The following ARHGAP8 variants were observed in gnomAD, a reference collection of about 807,000 sequenced individuals.
ARHGAP8 encodes the protein Rho GTPase activating protein 8.
A neutral mutation model predicts 46.1 loss-of-function variants in ARHGAP8; 62 were observed. That is an observed-to-expected ratio of 1.34 (90% confidence interval 1.10 to 1.66). ARHGAP8 has a LOEUF of 1.66. ARHGAP8 is among the 40% of genes most tolerant of loss of function. ARHGAP8 has a pLI of 0.00. For synonymous variants in ARHGAP8, 375 were observed against 243.1 expected, an observed-to-expected ratio of 1.54 and a Z score of -5.05; for missense variants, 923 against 568.4, an observed-to-expected ratio of 1.62 and a Z score of -6.34.
chr22:44,858,964 A>G (rs1251993561), intron 10 of ARHGAP8, among the ~76,000 whole-genome samples: 1 of 151,770 alleles, frequency 6.6e-6, no homozygotes. Flanking sequence ...TGATGAGGCA[A>G]AAGCAGCCAC....
In ARHGAP8 at chr22:44,848,974, C is replaced by A. The variant is rs763116045; in HGVS notation, c.791C>A (p.Pro264His). The change falls in exon 10 of 12, where the codon CCT (proline) becomes CAT (histidine). Residue 264 changes from proline (P) to histidine (H), a missense_variant. Transcript: ENST00000356099. ...NFDDYGDIHI[P>H]AVILKTFLRE... is the part of the protein sequence containing the mutation. ...GACGACTACGGGGACATTCACATCC[C>A]TGCCGTGATCCTGAAGACCTTCCTG... 3 of 1,614,036 alleles carry A rather than the reference C, an allele frequency of 1.9e-6. No homozygotes were observed. In the African/African-American group the frequency reaches 4.0e-5, roughly 22 times the overall value.
chr22:44,835,335 T>C (rs1209692553), intron 7 of ARHGAP8, among the ~76,000 whole-genome samples: 1 of 152,034 alleles, frequency 6.6e-6, no homozygotes, highest in Non-Finnish European at 1.5e-5. Context: ...AGAAGGATTG[T>C]GGAGCCAGGC....
At chr22:44,811,320 C>G (rs570621607) in intron 4 of ARHGAP8, among the ~76,000 whole-genome samples, 1 of 152,360 alleles carries the variant, frequency 6.6e-6, no homozygotes, top group Non-Finnish European at 1.5e-5. Flanking sequence ...GGCACCAGCC[C>G]GGGGAAGGAG....
At chr22:44,772,985 A>T (rs997645102) in intron 1 of ARHGAP8, among the ~76,000 whole-genome samples, 15 of 151,880 alleles carry the variant, frequency 9.9e-5, no homozygotes, top group African/African-American at 3.4e-4. Flanking sequence ...TGCCCAGCTA[A>T]TCTTTATTTT....
At chr22:44,762,879 T>G (rs1162354664) in intron 1 of ARHGAP8, among the ~76,000 whole-genome samples, 33 of 152,136 alleles carry the variant, frequency 2.2e-4, no homozygotes, top group Non-Finnish European at 1.0e-4. Context: ...GAGTTTGTAC[T>G]GTAATGAGGT....
chr22:44,854,024 C>CAAAAAAAAAA lies in ARHGAP8; in HGVS notation c.877+4993_877+5002dup, dbSNP rs71315119. 2.5e-4 allele frequency among the ~76,000 whole-genome samples: 11 copies of CAAAAAAAAAA among 43,304 alleles called. 2 individuals are homozygous for CAAAAAAAAAA. Among genetic ancestry groups the CAAAAAAAAAA allele is most frequent in the Admixed American group, 4.3e-4 (1 of 2,344 alleles). The allele number at this position is 43,304 out of a possible 152,430, so 28.4% of individuals were successfully genotyped here. ...CCTGGGACACAGCGAGACTCTGTCT[C>CAAAAAAAAAA]AAAAAAAAAAAAAAAAAAAAAAAAA... On this transcript the variant is annotated intron_variant, in intron 10 of 11. Coordinates refer to ENST00000356099, the MANE Select transcript of ARHGAP8 (RefSeq NM_181335.3).
At chr22:44,810,940 T>TCC (rs1555913903) in intron 4 of ARHGAP8, among the ~76,000 whole-genome samples, 2 of 151,746 alleles carry the variant, frequency 1.3e-5, no homozygotes, top group African/African-American at 4.8e-5. Context: ...AGGCTCAGGC[T>TCC]CACAGCAGGA....
At chr22:44,772,386 C>T (rs550685016) in intron 1 of ARHGAP8, among the ~76,000 whole-genome samples, 15 of 122,404 alleles carry the variant, frequency 1.2e-4, no homozygotes, top group East Asian at 5.0e-4. Context: ...GACAGGGTTT[C>T]GCTATGTTGA....
At chr22:44,833,869 A>T (rs2147138425) in intron 7 of ARHGAP8, among the ~76,000 whole-genome samples, 1 of 152,192 alleles carries the variant, frequency 6.6e-6, no homozygotes, top group South Asian at 2.1e-4. Context: ...TTTCTTCTTG[A>T]GTCCATTTTG....
intron 1 of ARHGAP8, among the ~76,000 whole-genome samples, chr22:44,781,717 G>T (rs113537248): frequency 0.013 from 1,926 of 152,154 alleles, 46 homozygotes; most frequent in African/African-American, 0.045. Context: ...TAGAAACAGG[G>T]ATTCACCATG....
chr22:44,829,347 A>G (rs1442428076), intron 7 of ARHGAP8, among the ~76,000 whole-genome samples: 1 of 152,120 alleles, frequency 6.6e-6, no homozygotes, highest in African/African-American at 2.4e-5. Flanking sequence ...AGACTTCGAA[A>G]GCCGTCTACC....
At chr22:44,800,408 ATCTG>A (rs1344253815) in intron 2 of ARHGAP8, among the ~76,000 whole-genome samples, 2 of 152,132 alleles carry the variant, frequency 1.3e-5, no homozygotes, top group Admixed American at 6.5e-5. Context: ...ACCCGGCCTG[ATCTG>A]TCTTTTTATC....
At chr22:44,843,106 C>T (rs555425042) in intron 7 of ARHGAP8, among the ~76,000 whole-genome samples, 26 of 152,182 alleles carry the variant, frequency 1.7e-4, no homozygotes, top group Non-Finnish European at 2.5e-4. Context: ...TGGACAGGCA[C>T]GGAAGCCTTT....
chr22:44,840,518 G>A lies in ARHGAP8; in HGVS notation c.597-4751G>A, dbSNP rs1212266453. ...TATCTTAGTCTATTCCGGTTGCTAT[G>A]ACAAAGTACCATAAACAGAGTGGTT... On this transcript the variant is annotated intron_variant, in intron 7 of 11. Transcript: ENST00000356099. Among the ~76,000 whole-genome samples, 4 of 152,122 alleles carry A rather than the reference G, an allele frequency of 2.6e-5. No individual in the cohort carries two copies. The East Asian group carries it at 7.7e-4, about 29-fold the overall frequency.
intron 9 of ARHGAP8, among the ~76,000 whole-genome samples, chr22:44,848,667 G>T (rs1422467332): frequency 6.6e-6 from 1 of 152,176 alleles, no homozygotes; most frequent in African/African-American, 2.4e-5. Context: ...TTGTAGCCGG[G>T]AGCAACAGCA....
chr22:44,854,237 C>CTTTTT (rs35201093), intron 10 of ARHGAP8, among the ~76,000 whole-genome samples: 11 of 130,412 alleles, frequency 8.4e-5, no homozygotes, highest in East Asian at 4.7e-4. Flanking sequence ...CCCCTTGTAT[C>CTTTTT]TTTTTTTTTT....
At chr22:44,826,813 G>A (rs938801943) in intron 7 of ARHGAP8, among the ~76,000 whole-genome samples, 6 of 152,144 alleles carry the variant, frequency 3.9e-5, no homozygotes, top group Admixed American at 6.5e-5. Flanking sequence ...GAGGTGCATC[G>A]GTCACCTGCC....
At chr22:44,843,003 G>A (rs925078980) in intron 7 of ARHGAP8, among the ~76,000 whole-genome samples, 12 of 152,272 alleles carry the variant, frequency 7.9e-5, no homozygotes, top group African/African-American at 2.6e-4. Context: ...GAAGGTTTAC[G>A]TTGTTGATGA....
intron 10 of ARHGAP8, 58 bp from the exon 11 acceptor site, chr22:44,859,673 G>A (rs777655274): frequency 1.9e-6 from 3 of 1,588,044 alleles, no homozygotes; most frequent in Admixed American, 1.7e-5. Context: ...CCCGGGCCGG[G>A]ATGCAGCGCT....
Sources: allele counts gnomAD v4.1 joint callset (sites outside exome capture counted in the v4.1 genomes callset), GRCh38; gene constraint gnomAD v4.1.1; transcripts MANE v1.5; gene names NCBI Gene and HGNC (gene_info 2026-07-23, HGNC 2026-07-21).